The following CFAP61 variants were observed in gnomAD, a reference collection of about 807,000 sequenced individuals.
CFAP61 encodes cilia- and flagella-associated protein 61.
CFAP61 carries 107 observed loss-of-function variants against 135.6 expected under a neutral mutation model. That is an observed-to-expected ratio of 0.79 (90% CI 0.67 to 0.93). The LOEUF is 0.93. Ranked by LOEUF, CFAP61 falls within the 40% of genes least tolerant of loss-of-function variation. The probability of loss-of-function intolerance (pLI) is 0.00; values close to 1 mark genes in which losing one functional copy is unlikely to be tolerated. For missense variants in CFAP61, 1,507 were observed against 1,556.2 expected, an observed-to-expected ratio of 0.97 and a Z score of 0.53; for synonymous variants, 575 against 578.5, an observed-to-expected ratio of 0.99 and a Z score of 0.09.
intron 18 of CFAP61, among the ~76,000 whole-genome samples, chr20:20,233,898 T>C (rs1056567997): frequency 2.3e-4 from 35 of 152,092 alleles, no homozygotes; most frequent in African/African-American, 8.5e-4. Flanking sequence ...TTATTGTCCT[T>C]TTTTTGTGGG....
At chr20:20,327,673 A>G (rs1336337266) in intron 25 of CFAP61, among the ~76,000 whole-genome samples, 2 of 150,152 alleles carry the variant, frequency 1.3e-5, no homozygotes, top group African/African-American at 4.9e-5. Context: ...CATAATCAAG[A>G]TCTTCCCCAA....
intron 8 of CFAP61, among the ~76,000 whole-genome samples, chr20:20,118,828 G>T (rs947099125): frequency 2.0e-5 from 3 of 151,688 alleles, no homozygotes; most frequent in African/African-American, 4.8e-5. Context: ...TCCCTGAAAT[G>T]AATCCCATTT....
chr20:20,165,805 T>G (rs1601107420), intron 11 of CFAP61, among the ~76,000 whole-genome samples: 2 of 152,182 alleles, frequency 1.3e-5, no homozygotes, highest in South Asian at 2.1e-4. Flanking sequence ...CATCTCGAGT[T>G]TTTAGCTTCT....
At chr20:20,228,102 A>G (rs1163933075) in intron 17 of CFAP61, 147 bp from the exon 18 acceptor site, 6 of 569,480 alleles carry the variant, frequency 1.1e-5, no homozygotes, top group Non-Finnish European at 1.5e-5. Context: ...CTTCCCATGC[A>G]TTTTATGGTG....
intron 9 of CFAP61, among the ~76,000 whole-genome samples, chr20:20,148,352 A>G (rs1310559978): frequency 2.7e-5 from 4 of 150,196 alleles, no homozygotes; most frequent in African/African-American, 9.9e-5. Context: ...CAGTATGGTC[A>G]TTTTCACAAT....
chr20:20,166,290 G>A (rs6106204), intron 11 of CFAP61, 107 bp from the exon 12 acceptor site: 106,342 of 826,904 alleles, frequency 0.13, 7,816 homozygotes, highest in Non-Finnish European at 0.15. Flanking sequence ...CTGACTAGTG[G>A]TTGGCTAATC....
At chr20:20,156,621 C>T (rs530425081) in intron 9 of CFAP61, among the ~76,000 whole-genome samples, 1 of 151,886 alleles carries the variant, frequency 6.6e-6, no homozygotes, top group African/African-American at 2.4e-5. Flanking sequence ...ACATGACTAC[C>T]TATGAAAAAA....
chr20:20,163,662 G>A (rs1201034315), intron 10 of CFAP61, among the ~76,000 whole-genome samples: 1 of 150,644 alleles, frequency 6.6e-6, no homozygotes, highest in Non-Finnish European at 1.5e-5. Context: ...GTGCAGGTTT[G>A]TTACCTAGGT....
chr20:20,136,834 G>A (rs1222877967), intron 8 of CFAP61, among the ~76,000 whole-genome samples: 1 of 152,202 alleles, frequency 6.6e-6, no homozygotes, highest in African/African-American at 2.4e-5. Context: ...TGAAGAGTTA[G>A]ATATTTATTG....
Position 20,283,083 on chromosome 20 carries a change from G to A in CFAP61, c.2797-5526G>A, listed in dbSNP as rs111465098. ...AATATGGTTGACGGTGATGTTCGAC[G>A]CTCATAAGTCTTTACTGATATTTTT... On this transcript the variant is annotated intron_variant, in intron 22 of 26. Coordinates refer to ENST00000245957, the MANE Select transcript of CFAP61 (RefSeq NM_015585.4). Among the ~76,000 whole-genome samples the A allele has an allele frequency of 4.2e-3, 636 of 152,254 alleles. 2 individuals carry two copies. Among genetic ancestry groups the A allele is most frequent in the Non-Finnish European group, 6.2e-3 (419 of 68,018 alleles).
intron 11 of CFAP61, 56 bp downstream of exon 11, chr20:20,164,284 G>T: frequency 1.3e-6 from 2 of 1,519,834 alleles, no homozygotes; most frequent in South Asian, 1.2e-5. Context: ...TGGCATTGGT[G>T]GCCCAACATT....
intron 8 of CFAP61, among the ~76,000 whole-genome samples, chr20:20,112,342 A>G (rs1480092173): frequency 1.3e-5 from 2 of 152,210 alleles, no homozygotes; most frequent in Non-Finnish European, 2.9e-5. Context: ...TATATTCATA[A>G]CATTTACATA....
chr20:20,291,075 C>A (rs1370422770), intron 24 of CFAP61, among the ~76,000 whole-genome samples: 1 of 152,132 alleles, frequency 6.6e-6, no homozygotes, highest in Non-Finnish European at 1.5e-5. Flanking sequence ...GTAACCCCAA[C>A]CCTTCAAAAG....
chr20:20,155,086 A>G (rs745544680), intron 9 of CFAP61, among the ~76,000 whole-genome samples: 18 of 152,204 alleles, frequency 1.2e-4, no homozygotes, highest in Admixed American at 6.5e-4. Context: ...ATGTAGACCA[A>G]CAGAACAGAA....
intron 20 of CFAP61, 38 bp downstream of exon 20, chr20:20,251,801 G>A (rs1457442538): frequency 1.2e-6 from 2 of 1,603,598 alleles, no homozygotes; most frequent in South Asian, 1.1e-5. Context: ...CACGTGTCTG[G>A]AGAGCTCCAT....
At chr20:20,097,735 C>T (rs901391608) in intron 7 of CFAP61, among the ~76,000 whole-genome samples, 5 of 152,240 alleles carry the variant, frequency 3.3e-5, no homozygotes, top group African/African-American at 1.2e-4. Flanking sequence ...ATCAGACCCA[C>T]CTGGTGAACC....
At chr20:20,191,468 C>A in intron 15 of CFAP61, 49 bp downstream of exon 15, 2 of 1,393,994 alleles carry the variant, frequency 1.4e-6, no homozygotes, top group Non-Finnish European at 2.0e-6. Context: ...CTTGCTATAT[C>A]ATGAATTAGC....
intron 24 of CFAP61, among the ~76,000 whole-genome samples, chr20:20,293,281 G>A (rs536363293): frequency 6.6e-6 from 1 of 152,332 alleles, no homozygotes; most frequent in African/African-American, 2.4e-5. Context: ...GATAATGAGA[G>A]TTTTAATAAG....
chr20:20,127,672 T>A lies in CFAP61; in HGVS notation c.860-15185T>A, dbSNP rs185492099. 1.9e-3 allele frequency among the ~76,000 whole-genome samples: 292 copies of A among 150,854 alleles called. 2 individuals are homozygous for A. Among genetic ancestry groups the A allele is most frequent in the Admixed American group, 3.7e-3 (56 of 15,174 alleles). Reference sequence around the variant, plus strand: ...GGGGTTGAAATGGACTCTGTGAGAGTTTTTAGCTTTGGTGGTTTAATGCTC... The same window carrying A: ...GGGGTTGAAATGGACTCTGTGAGAGATTTTAGCTTTGGTGGTTTAATGCTC... On this transcript the variant is annotated intron_variant, in intron 8 of 26. Transcript: ENST00000245957.
Sources: allele counts gnomAD v4.1 joint callset (sites outside exome capture counted in the v4.1 genomes callset), GRCh38; gene constraint gnomAD v4.1.1; transcripts MANE v1.5; gene names NCBI Gene and HGNC (gene_info 2026-07-23, HGNC 2026-07-21).